The following NRG1 variants were observed in gnomAD, a reference collection of about 807,000 sequenced individuals.
The protein encoded by NRG1 is neuregulin 1.
Under a neutral mutation model 63.8 loss-of-function variants are expected in NRG1, and 18 were observed. The ratio of observed to expected loss-of-function variants is 0.28; its 90% confidence interval spans 0.19 to 0.42. The LOEUF is 0.42. NRG1 is among the 10% of genes least tolerant of loss of function. The probability of loss-of-function intolerance (pLI) is 1.00; values close to 1 mark genes in which losing one functional copy is unlikely to be tolerated. For missense variants in NRG1, 762 were observed against 814.7 expected (o/e 0.94, Z 0.79); for synonymous variants, 302 against 301.3 (o/e 1.00, Z -0.02).
At chr8:32,339,928 G>A (rs1803839798) in intron 1 of NRG1, among the ~76,000 whole-genome samples, 1 of 152,202 alleles carries the variant, frequency 6.6e-6, no homozygotes, top group African/African-American at 2.4e-5. Context: ...AGCAGGGATT[G>A]TGTTATCTAA....
intron 1 of NRG1, among the ~76,000 whole-genome samples, chr8:32,204,327 C>T (rs896690295): frequency 2.6e-5 from 4 of 152,106 alleles, no homozygotes; most frequent in African/African-American, 7.2e-5. Context: ...CAAGATGGCT[C>T]TTATTGTATC....
At chr8:32,078,646 G>A (rs1370542806) in intron 1 of NRG1, among the ~76,000 whole-genome samples, 1 of 152,160 alleles carries the variant, frequency 6.6e-6, no homozygotes, top group African/African-American at 2.4e-5. Flanking sequence ...CAGAACTTTA[G>A]TTTTATGAAT....
chr8:32,039,525 G>A (rs938480702), intron 1 of NRG1, among the ~76,000 whole-genome samples: 1 of 152,194 alleles, frequency 6.6e-6, no homozygotes, highest in Non-Finnish European at 1.5e-5. Flanking sequence ...TATAGTAAAT[G>A]TGAATGTTTA....
rs1265242474 is a variant in NRG1, at chr8:31,640,747, G to A, written c.37+1316G>A. 9 of 1,508,578 alleles carry A rather than the reference G, an allele frequency of 6.0e-6. No individual in the cohort carries two copies. The South Asian group carries it at 6.4e-5, about 11-fold the overall frequency. 93.4% of individuals were successfully genotyped at this position (1,508,578 alleles called of 1,614,324 possible). ...GCGGTGCGGTAAGTTCCTCGCCCTT[G>A]GGGGCGCGAACCCGCGGCGAGGAGG... On this transcript the variant is annotated intron_variant, in intron 1 of 10. Coordinates refer to the NRG1 transcript ENST00000519301. The surrounding 1 kb of genome is among the most constrained non-coding windows in gnomAD (Gnocchi z 6.3).
chr8:31,866,442 A>G (rs982619030), intron 1 of NRG1, among the ~76,000 whole-genome samples: 2 of 152,144 alleles, frequency 1.3e-5, no homozygotes, highest in African/African-American at 4.8e-5. Context: ...TTACTATTAA[A>G]TACAGCTTGG....
In NRG1 at chr8:32,742,611, C is replaced by A; in HGVS notation, c.633-64C>A. The A allele has an allele frequency of 6.8e-7, 1 of 1,465,146 alleles. No individual in the cohort carries two copies. Among genetic ancestry groups the A allele is most frequent in the Non-Finnish European group, 9.5e-7 (1 of 1,049,248 alleles). 90.8% of individuals were successfully genotyped at this position (1,465,146 alleles called of 1,614,324 possible). A position where few individuals can be genotyped will look rare whatever the true frequency, so the allele number is the denominator to read the frequency against. On this transcript the variant is annotated intron_variant, in intron 6 of 11. Transcript: ENST00000356819. This position sits in a 1 kb window ranked among gnomAD's most constrained non-coding sequence, Gnocchi z 4.2. Reference sequence around the variant, plus strand: ...TGACACTGAAGGAGCTTCTTTCTAGCATATATTCACCTCTTCTCTTTTTCT... The same window carrying A: ...TGACACTGAAGGAGCTTCTTTCTAGAATATATTCACCTCTTCTCTTTTTCT...
chr8:31,809,745 T>G (rs1173739639), intron 1 of NRG1, among the ~76,000 whole-genome samples: 1 of 147,760 alleles, frequency 6.8e-6, no homozygotes, highest in Non-Finnish European at 1.5e-5. Flanking sequence ...TTAATTGTTT[T>G]TTTTTTTTTT....
At chr8:32,091,443 G>A (rs1223304093) in intron 1 of NRG1, among the ~76,000 whole-genome samples, 1 of 152,142 alleles carries the variant, frequency 6.6e-6, no homozygotes, top group Non-Finnish European at 1.5e-5. Context: ...AAATAAGATG[G>A]TAGTGCCGTG....
intron 1 of NRG1, among the ~76,000 whole-genome samples, chr8:31,714,683 T>C (rs1186525697): frequency 6.6e-6 from 1 of 152,194 alleles, no homozygotes; most frequent in Non-Finnish European, 1.5e-5. Flanking sequence ...TCTATCCATG[T>C]ATCTATCAAT....
intron 1 of NRG1, among the ~76,000 whole-genome samples, chr8:32,314,888 C>T (rs1857210372): frequency 6.6e-6 from 1 of 152,164 alleles, no homozygotes; most frequent in African/African-American, 2.4e-5. Context: ...TCTCTGTTCT[C>T]AGCCTCGGAG....
At chr8:32,401,653 A>G (rs1813225923) in intron 1 of NRG1, among the ~76,000 whole-genome samples, 1 of 152,152 alleles carries the variant, frequency 6.6e-6, no homozygotes, top group African/African-American at 2.4e-5. Context: ...AAAATACCAC[A>G]TGCCCTCACT....
chr8:32,507,947 C>A (rs1208334637), intron 1 of NRG1, among the ~76,000 whole-genome samples: 1 of 152,208 alleles, frequency 6.6e-6, no homozygotes, highest in Admixed American at 6.5e-5. Context: ...ATCCACCCAC[C>A]TTGGTCTCCC....
exon 12 of NRG1, chr8:32,764,419 T>A: frequency 6.6e-7 from 1 of 1,513,584 alleles, no homozygotes. Flanking sequence ...AATAAACACA[T>A]AGATTCACCT....
At chr8:32,481,153 G>T (rs1339132695) in intron 1 of NRG1, among the ~76,000 whole-genome samples, 1 of 152,020 alleles carries the variant, frequency 6.6e-6, no homozygotes, top group Non-Finnish European at 1.5e-5. Flanking sequence ...AGAGCAGCCT[G>T]GGCAACATGA....
intron 1 of NRG1, among the ~76,000 whole-genome samples, chr8:31,719,003 C>T (rs1585899074): frequency 6.6e-6 from 1 of 152,062 alleles, no homozygotes; most frequent in Admixed American, 6.6e-5. Flanking sequence ...ACTTACTGCC[C>T]TTGGTTAATG....
At chr8:32,371,975 CT>C (rs1214079392) in intron 1 of NRG1, among the ~76,000 whole-genome samples, 5 of 117,764 alleles carry the variant, frequency 4.2e-5, no homozygotes, top group Middle Eastern at 4.3e-3. Flanking sequence ...TTCTTTCTTT[CT>C]TTTTTCTTCT....
intron 1 of NRG1, among the ~76,000 whole-genome samples, chr8:32,190,457 C>G (rs562747895): frequency 3.1e-4 from 47 of 152,294 alleles, no homozygotes; most frequent in African/African-American, 1.1e-3. Flanking sequence ...CCCAGTTCAT[C>G]TTTCCGGTTT....
intron 1 of NRG1, among the ~76,000 whole-genome samples, chr8:32,472,467 G>A (rs992964797): frequency 2.0e-5 from 3 of 152,216 alleles, no homozygotes; most frequent in Non-Finnish European, 4.4e-5. Flanking sequence ...ACCGTGCCCG[G>A]CCCTTGGCCT....
At chr8:32,747,659 A>G (rs529224067) in intron 7 of NRG1, among the ~76,000 whole-genome samples, 1 of 151,280 alleles carries the variant, frequency 6.6e-6, no homozygotes, top group African/African-American at 2.4e-5. Context: ...ATTATTATAT[A>G]TAGTGCTTCC....
Sources: gnomAD v4.1 joint callset for allele counts (sites outside exome capture counted in the v4.1 genomes callset) on GRCh38, gnomAD v4.1.1 for gene constraint, Gnocchi (gnomAD v3.1) non-coding constraint, MANE v1.5 for transcripts, NCBI Gene and HGNC (gene_info 2026-07-23, HGNC 2026-07-21) for gene names.